The following COX10 variants were observed in gnomAD, a reference collection of about 807,000 sequenced individuals.
The protein encoded by COX10 is protoheme IX farnesyltransferase, mitochondrial.
Under a neutral mutation model 37.3 loss-of-function variants are expected in COX10, and 27 were observed. The observed-to-expected ratio is 0.72, with a 90% CI of 0.53 to 1.00. COX10 has a LOEUF of 1.00. COX10 is among the 50% of genes least tolerant of loss of function. The pLI is 0.00. For missense variants in COX10, 475 were observed against 563.2 expected (o/e 0.84, Z 1.59); for synonymous variants, 222 against 229.1 (o/e 0.97, Z 0.28).
chr17:14,139,723 C>A (rs941643868), intron 4 of COX10, among the ~76,000 whole-genome samples: 5 of 152,048 alleles, frequency 3.3e-5, no homozygotes, highest in African/African-American at 1.2e-4. Flanking sequence ...TTGGAAGGAT[C>A]CCTGTGTTGA....
chr17:14,123,959 T>TA (rs1227720210), intron 4 of COX10, among the ~76,000 whole-genome samples: 2 of 152,190 alleles, frequency 1.3e-5, no homozygotes, highest in Non-Finnish European at 2.9e-5. Context: ...TGCTCCATAT[T>TA]AGTAGTACCC....
At chr17:14,179,042 C>T (rs1221334919) in intron 5 of COX10, among the ~76,000 whole-genome samples, 8 of 152,176 alleles carry the variant, frequency 5.3e-5, no homozygotes, top group Admixed American at 5.2e-4. Context: ...TATAATCTAC[C>T]TCCCCAACTT....
At chr17:14,200,585 T>C (rs1906516117) in intron 6 of COX10, among the ~76,000 whole-genome samples, 1 of 152,144 alleles carries the variant, frequency 6.6e-6, no homozygotes, top group South Asian at 2.1e-4. Context: ...CTGGACATTC[T>C]ATGGAGTTGC....
At chr17:14,192,425 A>G (rs1906235226) in intron 6 of COX10, among the ~76,000 whole-genome samples, 2 of 152,114 alleles carry the variant, frequency 1.3e-5, no homozygotes, top group South Asian at 2.1e-4. Flanking sequence ...CATGACATAC[A>G]CTTTCCCTTA....
intron 5 of COX10, among the ~76,000 whole-genome samples, chr17:14,162,700 T>C (rs1459104898): frequency 3.3e-5 from 5 of 152,128 alleles, no homozygotes; most frequent in Non-Finnish European, 7.4e-5. Flanking sequence ...TTCCCTCCTT[T>C]ATGTATTAAT....
intron 4 of COX10, among the ~76,000 whole-genome samples, chr17:14,102,898 T>G (rs1597501721): frequency 6.6e-6 from 1 of 152,150 alleles, no homozygotes; most frequent in East Asian, 1.9e-4. Context: ...GAAAATCGTT[T>G]TCATTACCAG....
chr17:14,081,227 G>A (rs1434830019), intron 3 of COX10, among the ~76,000 whole-genome samples: 1 of 152,226 alleles, frequency 6.6e-6, no homozygotes, highest in Non-Finnish European at 1.5e-5. Flanking sequence ...TTCTGTCGGA[G>A]AGCACAGACT....
chr17:14,134,455 G>T (rs1325651927), intron 4 of COX10, among the ~76,000 whole-genome samples: 3 of 151,686 alleles, frequency 2.0e-5, no homozygotes, highest in Non-Finnish European at 4.4e-5. Flanking sequence ...TTTAATGGTT[G>T]TTCACATTGG....
chr17:14,144,555 G>C (rs1341896166), intron 4 of COX10, among the ~76,000 whole-genome samples: 1 of 152,114 alleles, frequency 6.6e-6, no homozygotes, highest in Non-Finnish European at 1.5e-5. Context: ...AACCTAAATA[G>C]TCTGTTAACG....
intron 5 of COX10, among the ~76,000 whole-genome samples, chr17:14,190,263 AGT>A (rs1207133763): frequency 2.0e-5 from 3 of 152,162 alleles, no homozygotes; most frequent in Non-Finnish European, 4.4e-5. Context: ...AGTTAGTATG[AGT>A]GTAAGCCTTT....
chr17:14,091,392 A>G (rs187816576), intron 3 of COX10, among the ~76,000 whole-genome samples: 53 of 152,362 alleles, frequency 3.5e-4, no homozygotes, highest in African/African-American at 1.3e-3. Flanking sequence ...AGCAACACCA[A>G]TAAGGGAAGT....
intron 4 of COX10, among the ~76,000 whole-genome samples, chr17:14,145,488 C>T (rs577010992): frequency 1.3e-5 from 2 of 152,064 alleles, no homozygotes; most frequent in East Asian, 3.9e-4. Context: ...TGAGTGAAGA[C>T]CTGAAAGCAT....
intron 1 of COX10, among the ~76,000 whole-genome samples, chr17:14,070,761 A>G (rs751004833): frequency 2.0e-5 from 3 of 152,220 alleles, no homozygotes; most frequent in Non-Finnish European, 4.4e-5. Context: ...TCTTTTTCAT[A>G]ATGTTATTTT....
chr17:14,076,771 G>T lies in COX10; in HGVS notation c.214G>T (p.Val72Leu), dbSNP rs530565208. Reference protein sequence around the residue: ...TQLNRSHNQQVRPKPEPVASP... With the variant: ...TQLNRSHNQQLRPKPEPVASP... ...GCTGAACAGAAGCCACAACCAGCAA[G>T]TAAGACCCAAGCCAGAACCAGTAGC... Residue 72 changes from valine to leucine, a missense_variant, in exon 3 of 7, where the codon GTA becomes TTA. Around this residue, in one of 5 missense-constraint regions of COX10, gnomAD observed 242 missense variants for 242.5 expected, o/e 1.00. Coordinates refer to ENST00000261643, the MANE Select transcript of COX10 (RefSeq NM_001303.4). 3 of 1,614,180 alleles carry T rather than the reference G, an allele frequency of 1.9e-6. No individual in the cohort carries two copies. The East Asian group carries it at 6.7e-5, about 36-fold the overall frequency.
intron 4 of COX10, among the ~76,000 whole-genome samples, chr17:14,113,753 C>T (rs1019985910): frequency 2.0e-5 from 3 of 152,206 alleles, no homozygotes; most frequent in Middle Eastern, 3.4e-3. Flanking sequence ...CTTCAAGAAA[C>T]ACCTGGTAAT....
chr17:14,106,833 C>T (rs917280168), intron 4 of COX10, among the ~76,000 whole-genome samples: 3 of 152,044 alleles, frequency 2.0e-5, no homozygotes, highest in Non-Finnish European at 4.4e-5. Context: ...GGGCTGCTTG[C>T]CTTTGTCTAA....
At chr17:14,097,704 T>C (rs534676401) in intron 3 of COX10, among the ~76,000 whole-genome samples, 12 of 152,328 alleles carry the variant, frequency 7.9e-5, no homozygotes, top group African/African-American at 2.4e-4. Flanking sequence ...ACTTTCTTTT[T>C]AGAACATTTC....
rs34106542 is a variant in COX10 at position 14,091,896 on chromosome 17, AT to A, written c.500-10215del. Among the ~76,000 whole-genome samples the A allele has an allele frequency of 9.2e-4, 140 of 152,062 alleles. No individual in the cohort carries two copies. In the Middle Eastern group the frequency reaches 0.021, roughly 22 times the overall value. Reference sequence around the variant, plus strand: ...TTTTGTGAACACTGTCCAACTAACAATTTTTTTGCCAAACTCAGTTTTGAAA... The same window carrying A: ...TTTTGTGAACACTGTCCAACTAACAATTTTTTGCCAAACTCAGTTTTGAAA... On this transcript the variant is annotated intron_variant, in intron 3 of 6. Coordinates refer to ENST00000261643, the MANE Select transcript of COX10 (RefSeq NM_001303.4).
chr17:14,161,241 T>C (rs2142240565), intron 5 of COX10, among the ~76,000 whole-genome samples: 1 of 152,292 alleles, frequency 6.6e-6, no homozygotes, highest in South Asian at 2.1e-4. Flanking sequence ...TAAAGGGGGT[T>C]TGGATCATAA....
Sources: gnomAD v4.1 joint callset for allele counts (sites outside exome capture counted in the v4.1 genomes callset) on GRCh38, gnomAD v4.1.1 for gene constraint, gnomAD v4.1.1 regional missense constraint, MANE v1.5 for transcripts, NCBI Gene and HGNC (gene_info 2026-07-23, HGNC 2026-07-21) for gene names.